Variants in COL20A1 observed in about 807,000 individuals in gnomAD.
COL20A1 encodes collagen alpha-1(XX) chain.
A neutral mutation model predicts 152.9 loss-of-function variants in COL20A1; 164 were observed. That is an observed-to-expected ratio of 1.07 (90% CI 0.94 to 1.22). The LOEUF is 1.22. Among genes scored for constraint, COL20A1 ranks in the 50% most tolerant of loss-of-function variants. The pLI is 0.00. For synonymous variants in COL20A1, 864 were observed against 756.0 expected, an observed-to-expected ratio of 1.14 and a Z score of -2.34; for missense variants, 1,873 against 1,744.8, an observed-to-expected ratio of 1.07 and a Z score of -1.31.
intron 35 of COL20A1, among the ~76,000 whole-genome samples, chr20:63,330,292 C>T (rs1422644027): frequency 6.6e-6 from 1 of 152,108 alleles, no homozygotes. Flanking sequence ...CTTCAGGGGC[C>T]AGAGCGTGGC....
At position 63,310,474 on chromosome 20, in the gene COL20A1, G is replaced by A. The variant is rs1276291584; in HGVS notation, c.1357G>A (p.Gly453Arg). The change falls in exon 11 of 36, where the codon GGG becomes AGG. Residue 453 changes from glycine to arginine, a missense_variant. Coordinates refer to ENST00000358894, the MANE Select transcript of COL20A1 (RefSeq NM_020882.4). ...LVSVFPIYEG[G>R]VGEGLRGLVT... ...CTCCGTGTTCCCCATCTATGAGGGCGGGGTTGGCGAAGGCCTGCGGGGCCT... is the reference window on the plus strand; with the variant it reads ...CTCCGTGTTCCCCATCTATGAGGGCAGGGTTGGCGAAGGCCTGCGGGGCCT... 8.7e-6 allele frequency: 14 copies of A among 1,607,000 alleles called. No individual in the cohort carries two copies. The highest frequency in any genetic ancestry group is 2.2e-5 in the East Asian group (1 of 44,590).
At chr20:63,325,521 CAG>C (rs1390402738) in intron 28 of COL20A1, 27 bp downstream of exon 28, 2 of 1,604,468 alleles carry the variant, frequency 1.2e-6, no homozygotes, top group Non-Finnish European at 1.7e-6. Flanking sequence ...CAGGGGGCCA[CAG>C]GGGTTGGTGG....
chr20:63,319,625 C>T lies in COL20A1; in HGVS notation c.2916+29C>T. ...CTGGTGCAGCTCGCGCCCCTCTCCC[C>T]CGTTCCCCCAGCTCTGGGGCAGCCC... On this transcript the variant is annotated intron_variant, in intron 23 of 35. Coordinates refer to ENST00000358894, the MANE Select transcript of COL20A1 (RefSeq NM_020882.4). This position sits in a 1 kb window ranked among gnomAD's most constrained non-coding sequence, Gnocchi z 4.4. The T allele has an allele frequency of 6.7e-7, 1 of 1,491,528 alleles. No individual in the cohort carries two copies. Among genetic ancestry groups the T allele is most frequent in the Non-Finnish European group, 9.1e-7 (1 of 1,094,214 alleles). The allele number at this position is 1,491,528 out of a possible 1,614,324, so 92.4% of individuals were successfully genotyped here.
Position 63,305,312 on chromosome 20 carries a change from G to GC in COL20A1, c.194-104dup. ...TTCTGTCTCTCTGGCTTCAAGGGGA[G>GC]CAGCTGGGGTGGGGAGGAGGAGCCA... On this transcript the variant is annotated intron_variant, in intron 3 of 35. Coordinates refer to ENST00000358894, the MANE Select transcript of COL20A1 (RefSeq NM_020882.4). This position sits in a 1 kb window ranked among gnomAD's most constrained non-coding sequence, Gnocchi z 4.9. The GC allele has an allele frequency of 1.1e-6, 1 of 899,592 alleles. No homozygotes were observed. The highest frequency in any genetic ancestry group is 1.8e-5 in the African/African-American group (1 of 57,044). 55.7% of individuals were successfully genotyped at this position (899,592 alleles called of 1,614,324 possible).
Position 63,334,779 on chromosome 20 carries a change from T to G in COL20A1, c.*4063T>G, listed in dbSNP as rs2068373096. 1.3e-5 allele frequency: 2 copies of G among 152,228 alleles called. No individual in the cohort carries two copies. Among genetic ancestry groups the G allele is most frequent in the Admixed American group, 1.3e-4 (2 of 15,284 alleles). 9.4% of individuals were successfully genotyped at this position (152,228 alleles called of 1,614,324 possible). ...TCAAACAATTTTAAATAGTAGAAAA[T>G]AAACCCTGAAGCAGTGTGCATTCAT... On this transcript the variant is annotated 3_prime_UTR_variant, in exon 36 of 36. Transcript: ENST00000358894.
Position 63,306,272 on chromosome 20 carries a change from C to T in COL20A1, c.496+233C>T, listed in dbSNP as rs2067925152. Among the ~76,000 whole-genome samples the T allele has an allele frequency of 2.3e-5, 2 of 86,206 alleles. No homozygotes were observed. The highest frequency in any genetic ancestry group is 1.1e-3 in the South Asian group (2 of 1,784). 56.6% of individuals were successfully genotyped at this position (86,206 alleles called of 152,430 possible). ...CTGACCACGAGGCCGGGAAGTTCTTCCTCGTGTCTGACCACACGGTCTCTG... is the reference window on the plus strand; with the variant it reads ...CTGACCACGAGGCCGGGAAGTTCTTTCTCGTGTCTGACCACACGGTCTCTG... On this transcript the variant is annotated intron_variant, in intron 5 of 35. Coordinates refer to ENST00000358894, the MANE Select transcript of COL20A1 (RefSeq NM_020882.4). The surrounding 1 kb of genome is among the most constrained non-coding windows in gnomAD (Gnocchi z 6.9).
intron 2 of COL20A1, among the ~76,000 whole-genome samples, chr20:63,297,569 A>G (rs918622137): frequency 6.6e-6 from 1 of 152,154 alleles, no homozygotes; most frequent in African/African-American, 2.4e-5. Flanking sequence ...CCTCCCAGAC[A>G]TGGGCCTGAG....
At position 63,316,550 on chromosome 20, in the gene COL20A1, C is replaced by A; in HGVS notation, c.2525-3C>A. The A allele has an allele frequency of 6.3e-7, 1 of 1,587,818 alleles. No homozygotes were observed. Among genetic ancestry groups the A allele is most frequent in the East Asian group, 2.3e-5 (1 of 43,692 alleles). On this transcript the variant is annotated splice_region_variant and splice_polypyrimidine_tract_variant and intron_variant, in intron 20 of 35. Coordinates refer to ENST00000358894, the MANE Select transcript of COL20A1 (RefSeq NM_020882.4). ...GTGCCCCTTCCCCCACCATCTTCCCCAGGGTTTGACCTGATGGTGGCCTTC... is the reference window on the plus strand; with the variant it reads ...GTGCCCCTTCCCCCACCATCTTCCCAAGGGTTTGACCTGATGGTGGCCTTC...
chr20:63,296,043 G>A (rs759572188), intron 2 of COL20A1, among the ~76,000 whole-genome samples: 1 of 152,280 alleles, frequency 6.6e-6, no homozygotes, highest in Non-Finnish European at 1.5e-5. Context: ...GAGCCTCCAG[G>A]TGCCGCTGCC....
chr20:63,297,585 TC>T (rs2067814384), intron 2 of COL20A1, among the ~76,000 whole-genome samples: 1 of 152,186 alleles, frequency 6.6e-6, no homozygotes, highest in Non-Finnish European at 1.5e-5. Flanking sequence ...CTGAGCCTCT[TC>T]CTGGTGGGAG....
At chr20:63,326,208 C>A in intron 30 of COL20A1, 59 bp downstream of exon 30, 1 of 1,378,970 alleles carries the variant, frequency 7.3e-7, no homozygotes, top group Non-Finnish European at 1.0e-6. Context: ...TTCCAGGGGT[C>A]AGGCAGAGGC....
intron 9 of COL20A1, 76 bp from the exon 10 acceptor site, chr20:63,309,682 A>G: frequency 7.3e-7 from 1 of 1,362,730 alleles, no homozygotes. Flanking sequence ...CCCTCCTGTG[A>G]GTGGCCACCA....
chr20:63,307,711 GGAGGCTGTGACCT>G, intron 6 of COL20A1, 63 bp downstream of exon 6: 1 of 1,550,720 alleles, frequency 6.4e-7, no homozygotes, highest in Non-Finnish European at 8.8e-7. Flanking sequence ...CTCTGCCAGA[GGAGGCTGTGACCT>G]GTGGGGGTCC....
In COL20A1 at chr20:63,320,210, C is replaced by T. The variant is rs747976846; in HGVS notation, c.3075+13C>T. 2.5e-6 allele frequency: 4 copies of T among 1,597,342 alleles called. No individual in the cohort carries two copies. The highest frequency in any genetic ancestry group is 3.4e-6 in the Non-Finnish European group (4 of 1,175,448). On this transcript the variant is annotated intron_variant, in intron 24 of 35. Transcript: ENST00000358894. ...CAGTTCGGCCGCGGTGAGTTGGGCC[C>T]TGCCCACCTGCTGGGCCACGCTGGT...
Position 63,313,864 on chromosome 20 carries a change from C to T in COL20A1, c.2331C>T (p.Pro777=), listed in dbSNP as rs148669802. The change falls in exon 18 of 36, where the codon CCC becomes CCT. Residue 777 remains proline, a synonymous_variant. Transcript: ENST00000358894. The surrounding 1 kb of genome is among the most constrained non-coding windows in gnomAD (Gnocchi z 5.9). ...TCCATTACTGGCTCACCTACGCCCCCGCCTCTGGCTTGGGACCCGAGAAAT... is the reference window on the plus strand; with the variant it reads ...TCCATTACTGGCTCACCTACGCCCCTGCCTCTGGCTTGGGACCCGAGAAAT... ...RVLHYWLTYA[P]ASGLGPEKSV... 46 of 1,608,414 alleles carry T rather than the reference C, an allele frequency of 2.9e-5. No homozygotes were observed. The African/African-American group carries it at 4.1e-4, about 14-fold the overall frequency.
chr20:63,312,571 C>T (rs762699674), intron 15 of COL20A1, 22 bp downstream of exon 15: 1 of 1,552,794 alleles, frequency 6.4e-7, no homozygotes, highest in Non-Finnish European at 8.7e-7. Context: ...GAGGCTGGGG[C>T]TGGGGGTCCA....
chr20:63,327,557 G>A, intron 31 of COL20A1: 1 of 225,222 alleles, frequency 4.4e-6, no homozygotes, highest in Non-Finnish European at 8.9e-6. Flanking sequence ...TCACCAAGGA[G>A]CTGGGGAGGT....
rs1161949366 is a variant in COL20A1, at chr20:63,306,669, G to T, written c.496+630G>T. Among the ~76,000 whole-genome samples the T allele has an allele frequency of 6.6e-6, 1 of 152,234 alleles. No homozygotes were observed. Among genetic ancestry groups the T allele is most frequent in the Non-Finnish European group, 1.5e-5 (1 of 68,040 alleles). On this transcript the variant is annotated intron_variant, in intron 5 of 35. Transcript: ENST00000358894. This position sits in a 1 kb window ranked among gnomAD's most constrained non-coding sequence, Gnocchi z 6.9. ...TAAGGGGTGGGCACAGACGGGGGCA[G>T]TGCACTGTGTCTGCCCATAAGGCCC...
chr20:63,295,405 T>C (rs2067775353), intron 2 of COL20A1, among the ~76,000 whole-genome samples: 2 of 152,250 alleles, frequency 1.3e-5, no homozygotes, highest in Non-Finnish European at 1.5e-5. Flanking sequence ...CTCTGTGGTT[T>C]AGTTCTCTGT....
Sources: gnomAD v4.1 joint callset for allele counts (sites outside exome capture counted in the v4.1 genomes callset) on GRCh38, gnomAD v4.1.1 for gene constraint, Gnocchi (gnomAD v3.1) non-coding constraint, MANE v1.5 for transcripts, NCBI Gene and HGNC (gene_info 2026-07-23, HGNC 2026-07-21) for gene names.